USP35: variants seen among roughly 807,000 people sequenced by gnomAD.
The protein encoded by USP35 is ubiquitin carboxyl-terminal hydrolase 35.
A neutral mutation model predicts 83.8 loss-of-function variants in USP35; 69 were observed. The observed-to-expected ratio is 0.82, with a 90% CI of 0.68 to 1.01. The LOEUF (loss-of-function observed/expected upper bound fraction) is 1.01, where lower values mean the gene tolerates loss of function less well. Among genes scored for constraint, USP35 ranks in the 50% least tolerant of loss-of-function variants. The pLI is 0.00. For missense variants in USP35, 1,503 were observed against 1,362.5 expected, an observed-to-expected ratio of 1.10 and a Z score of -1.62; for synonymous variants, 714 against 589.5, an observed-to-expected ratio of 1.21 and a Z score of -3.06.
intron 3 of USP35, chr11:78,199,137 C>T (rs1590900715): frequency 1.1e-5 from 2 of 176,650 alleles, no homozygotes; most frequent in South Asian, 2.8e-4. Context: ...CTGCTGTTAT[C>T]TCCTTTAATC....
At chr11:78,200,590 C>T (rs1267588941) in intron 5 of USP35, 60 bp from the exon 6 acceptor site, 3 of 1,549,378 alleles carry the variant, frequency 1.9e-6, no homozygotes, top group Admixed American at 3.8e-5. Flanking sequence ...GCAGGGACCA[C>T]AGCCCCGTGT....
chr11:78,200,875 C>CG, intron 6 of USP35, 67 bp downstream of exon 6: 2 of 1,516,612 alleles, frequency 1.3e-6, no homozygotes, highest in Middle Eastern at 1.8e-4. Flanking sequence ...GGCCTTCCAG[C>CG]GGGCCATACC....
At chr11:78,217,580 A>G (rs528957665), downstream of USP35, 1 of 152,352 alleles carries the variant, frequency 6.6e-6, no homozygotes, top group African/African-American at 2.4e-5. Context: ...CCAGGGTAGA[A>G]TGAAACGTCT....
chr11:78,216,908 C>A (rs1864177432), downstream of USP35: 1 of 152,472 alleles, frequency 6.6e-6, no homozygotes, highest in African/African-American at 2.4e-5. Context: ...GCTACCACCA[C>A]TGCTTCCATT....
chr11:78,201,051 A>G (rs1489881984), intron 6 of USP35, among the ~76,000 whole-genome samples: 2 of 151,962 alleles, frequency 1.3e-5, no homozygotes, highest in African/African-American at 2.4e-5. Context: ...CTAACCATAA[A>G]CGCTTCTCTG....
chr11:78,196,329 G>T lies in USP35; in HGVS notation c.84G>T (p.Ala28=), dbSNP rs754389648. The T allele has an allele frequency of 1.3e-6, 2 of 1,586,206 alleles. No homozygotes were observed. The highest frequency in any genetic ancestry group is 1.7e-6 in the Non-Finnish European group (2 of 1,174,272). Reference sequence around the variant, plus strand: ...GGCTGGTTCGGCGCGTGCTGGAGGCGGCGCGGCAGCCGCTGGAGCGTGAGC... The same window carrying T: ...GGCTGGTTCGGCGCGTGCTGGAGGCTGCGCGGCAGCCGCTGGAGCGTGAGC... ...KQGLVRRVLE[A]ARQPLEREQC... is the part of the protein sequence containing the mutation. Residue 28 remains alanine, a synonymous_variant, in exon 2 of 11, where the codon GCG becomes GCT. Coordinates refer to ENST00000529308, the MANE Select transcript of USP35 (RefSeq NM_020798.4). This position sits in a 1 kb window ranked among gnomAD's most constrained non-coding sequence, Gnocchi z 4.8.
At chr11:78,233,337 T>C in the USP35 span, among the ~76,000 whole-genome samples, 2 of 152,208 alleles carry the variant, frequency 1.3e-5, no homozygotes, top group Non-Finnish European at 2.9e-5. Flanking sequence ...GTCTGGCCTG[T>C]TAGCCATTTT....
chr11:78,197,970 G>A lies in USP35; in HGVS notation c.708G>A (p.Val236=). 1 of 1,614,184 alleles carries A rather than the reference G, an allele frequency of 6.2e-7. No individual in the cohort carries two copies. Among genetic ancestry groups the A allele is most frequent in the Non-Finnish European group, 8.5e-7 (1 of 1,180,022 alleles). ...EEPPSSALAS[V]VQHLPLELMD... is the part of the protein sequence containing the mutation. ...CACCATCTAGCGCCCTGGCCAGCGTGGTCCAGCACCTCCCATTGGAGCTCA... is the reference window on the plus strand; with the variant it reads ...CACCATCTAGCGCCCTGGCCAGCGTAGTCCAGCACCTCCCATTGGAGCTCA... Residue 236 remains valine (V), a synonymous_variant, in exon 3 of 11, where the codon GTG becomes GTA. Coordinates refer to ENST00000529308, the MANE Select transcript of USP35 (RefSeq NM_020798.4).
intron 10 of USP35, 147 bp downstream of exon 10, chr11:78,210,891 C>T (rs1170999313): frequency 5.1e-6 from 4 of 779,338 alleles, no homozygotes; most frequent in Non-Finnish European, 5.8e-6. Flanking sequence ...ACTGGTGGCC[C>T]AGACAGACCT....
chr11:78,200,502 C>G, intron 5 of USP35, 148 bp from the exon 6 acceptor site: 1 of 1,215,220 alleles, frequency 8.2e-7, no homozygotes. Context: ...GCCTGCAGAG[C>G]TCAGAGCCCC....
chr11:78,211,313 G>A (rs924233835), intron 10 of USP35, among the ~76,000 whole-genome samples: 1 of 152,184 alleles, frequency 6.6e-6, no homozygotes, highest in Admixed American at 6.5e-5. Flanking sequence ...ATAGTATTCT[G>A]TGGTGTATAT....
chr11:78,223,344 C>CCCCTAAGCAAATGGAAAGAGT, the USP35 span: 5 of 1,330,734 alleles, frequency 3.8e-6, no homozygotes, highest in Admixed American at 1.3e-4. Context: ...ATCCACATGA[C>CCCCTAAGCAAATGGAAAGAGT]CCCTAAGCAA....
chr11:78,213,698 C>T lies in USP35; in HGVS notation c.2942C>T (p.Thr981Ile). The T allele has an allele frequency of 6.5e-7, 1 of 1,528,334 alleles. No homozygotes were observed. The highest frequency in any genetic ancestry group is 8.7e-7 in the Non-Finnish European group (1 of 1,147,786). The allele number at this position is 1,528,334 out of a possible 1,614,324, so 94.7% of individuals were successfully genotyped here. Residue 981 changes from threonine (T) to isoleucine (I), a missense_variant, in exon 11 of 11, where the codon ACA (threonine) becomes ATA (isoleucine). Coordinates refer to ENST00000529308, the MANE Select transcript of USP35 (RefSeq NM_020798.4). ...GCGGCCTACATCTCTGCACTCCCCA[C>T]ATCTCCGCACTGGGGGAGGGGCTTT... ...SRAAYISALPTSPHWGRGFDE... is the reference protein window; with the variant it reads ...SRAAYISALPISPHWGRGFDE...
At chr11:78,222,089 A>T in the USP35 span, 14 of 1,551,650 alleles carry the variant, frequency 9.0e-6, no homozygotes, top group Admixed American at 1.7e-5. Context: ...TCCCACCCCC[A>T]CACATACGCA....
chr11:78,227,162 G>T, the USP35 span: 4 of 689,178 alleles, frequency 5.8e-6, no homozygotes, highest in African/African-American at 3.6e-5. Flanking sequence ...CTGTAAAATG[G>T]TGACTAAAAG....
rs570230246 is a variant in USP35 at position 78,200,369 on chromosome 11, G to A, written c.1038+135G>A. 2.6e-5 allele frequency: 29 copies of A among 1,098,358 alleles called. No individual in the cohort carries two copies. In the African/African-American group the frequency reaches 3.7e-4, roughly 14 times the overall value. The allele number at this position is 1,098,358 out of a possible 1,614,324, so 68.0% of individuals were successfully genotyped here. On this transcript the variant is annotated intron_variant, in intron 5 of 10. Transcript: ENST00000529308. ...GGGCAGGTCACTTGGCTGAGGCCAA[G>A]CAGCTGGATCGTGGGCTCTGGCCTC...
chr11:78,209,651 C>A lies in USP35; in HGVS notation c.1796C>A (p.Ala599Asp). The change falls in exon 10 of 11, where the codon GCC (alanine) becomes GAC (aspartate). Residue 599 changes from alanine to aspartate, a missense_variant. By Grantham distance (126) the Ala-to-Asp change is moderately radical. Coordinates refer to ENST00000529308, the MANE Select transcript of USP35 (RefSeq NM_020798.4). ...GAGGCCTTCACGGACCTCTCTCTCGCCTTCCCTCCTCCTGAGCGCTGTCGC... is the reference window on the plus strand; with the variant it reads ...GAGGCCTTCACGGACCTCTCTCTCGACTTCCCTCCTCCTGAGCGCTGTCGC... ...REEAFTDLSL[A>D]FPPPERCRRR... is the part of the protein sequence containing the mutation. 6.2e-7 allele frequency: 1 copy of A among 1,614,116 alleles called. No individual in the cohort carries two copies.
chr11:78,188,955 A>G lies in USP35; in HGVS notation c.-213A>G. 1 of 985,524 alleles carries G rather than the reference A, an allele frequency of 1.0e-6. No homozygotes were observed. Among genetic ancestry groups the G allele is most frequent in the Non-Finnish European group, 1.2e-6 (1 of 830,026 alleles). 61.0% of individuals were successfully genotyped at this position (985,524 alleles called of 1,614,324 possible). A position where few individuals can be genotyped will look rare whatever the true frequency, so the allele number is the denominator to read the frequency against. The stretch of plus-strand genomic sequence containing the variant: ...CGCGCCGCAGAGTCGGGCTTCCTGG[A>G]TACATAGAGGCTTGTGCCAGGCGGG... On this transcript the variant is annotated 5_prime_UTR_variant, in exon 1 of 11. Coordinates refer to ENST00000529308, the MANE Select transcript of USP35 (RefSeq NM_020798.4).
intron 6 of USP35, among the ~76,000 whole-genome samples, chr11:78,204,449 TCA>T (rs1863474170): frequency 6.6e-6 from 1 of 152,252 alleles, no homozygotes; most frequent in Non-Finnish European, 1.5e-5. Context: ...AAGGGAGCCA[TCA>T]CACATCAGTT....
Sources: allele counts gnomAD v4.1 joint callset (sites outside exome capture counted in the v4.1 genomes callset), GRCh38; gene constraint gnomAD v4.1.1; non-coding constraint Gnocchi (gnomAD v3.1); transcripts MANE v1.5; gene names NCBI Gene and HGNC (gene_info 2026-07-23, HGNC 2026-07-21).